SHISA9: variants seen among roughly 807,000 people sequenced by gnomAD.
SHISA9 encodes shisa family member 9, also known as protein shisa-9.
A neutral mutation model predicts 38.0 loss-of-function variants in SHISA9; 13 were observed. That is an observed-to-expected ratio of 0.34 (90% CI 0.22 to 0.54). The LOEUF is 0.54. SHISA9 is among the 20% of genes least tolerant of loss of function. The pLI, the probability that SHISA9 is intolerant of heterozygous loss-of-function variation, is 0.91. For missense variants in SHISA9, 538 were observed against 575.8 expected, an observed-to-expected ratio of 0.93 and a Z score of 0.67; for synonymous variants, 275 against 242.0, an observed-to-expected ratio of 1.14 and a Z score of -1.27.
At chr16:13,099,984 C>G (rs1165262772) in intron 2 of SHISA9, among the ~76,000 whole-genome samples, 2 of 152,154 alleles carry the variant, frequency 1.3e-5, no homozygotes, top group Non-Finnish European at 2.9e-5. Context: ...AATCCAGACA[C>G]CGACAGGAGC....
At chr16:13,348,537 G>A in the SHISA9 span, among the ~76,000 whole-genome samples, 2 of 151,700 alleles carry the variant, frequency 1.3e-5, no homozygotes, top group African/African-American at 2.4e-5. Context: ...GCAATTTGTC[G>A]AGCTGATGCC....
the SHISA9 span, among the ~76,000 whole-genome samples, chr16:13,489,055 A>AT: frequency 3.3e-5 from 5 of 151,052 alleles, no homozygotes; most frequent in Admixed American, 1.3e-4. Flanking sequence ...TTACAGGCTT[A>AT]TTTTTTTTGA....
intron 4 of SHISA9, among the ~76,000 whole-genome samples, chr16:13,216,528 C>T (rs1304977533): frequency 6.6e-6 from 1 of 152,194 alleles, no homozygotes; most frequent in African/African-American, 2.4e-5. Context: ...CTCTTTTTAA[C>T]CCACCATTTC....
At chr16:12,935,074 G>A (rs943326317) in intron 2 of SHISA9, among the ~76,000 whole-genome samples, 6 of 152,004 alleles carry the variant, frequency 3.9e-5, no homozygotes, top group Admixed American at 3.3e-4. Context: ...CGGTCTGATT[G>A]GTCCATATTG....
chr16:12,929,878 G>C (rs1467744829), intron 2 of SHISA9, among the ~76,000 whole-genome samples: 2 of 152,130 alleles, frequency 1.3e-5, no homozygotes, highest in Non-Finnish European at 2.9e-5. Flanking sequence ...TCTTCCCTCT[G>C]CCTGCAACAA....
the SHISA9 span, among the ~76,000 whole-genome samples, chr16:13,262,713 G>GA: frequency 2.0e-5 from 3 of 149,944 alleles, no homozygotes; most frequent in Non-Finnish European, 4.4e-5. Flanking sequence ...AGGAAGGAAA[G>GA]AAGGAAGAGG....
chr16:12,997,975 A>T (rs2072479456), intron 2 of SHISA9, among the ~76,000 whole-genome samples: 1 of 152,194 alleles, frequency 6.6e-6, no homozygotes, highest in African/African-American at 2.4e-5. Context: ...GATAGAATGC[A>T]TTGTGTTTGA....
chr16:12,932,108 C>A (rs751108154), intron 2 of SHISA9, among the ~76,000 whole-genome samples: 1 of 152,164 alleles, frequency 6.6e-6, no homozygotes, highest in Non-Finnish European at 1.5e-5. Context: ...CCTCCTTCGC[C>A]TTCTGCCATG....
intron 1 of SHISA9, chr16:12,910,944 T>G (rs1294884214): frequency 5.9e-6 from 1 of 170,264 alleles, no homozygotes; most frequent in East Asian, 1.9e-4. Flanking sequence ...AAGGGCAATC[T>G]GTCTTACTGC....
the SHISA9 span, among the ~76,000 whole-genome samples, chr16:13,272,584 G>T: frequency 6.6e-6 from 1 of 152,084 alleles, no homozygotes; most frequent in Non-Finnish European, 1.5e-5. Flanking sequence ...AGGGTTATCA[G>T]AGTTTGGGCC....
rs1436912109 is a variant in SHISA9, at chr16:12,927,258, T to A, written c.691+10443T>A. ...AAAAGGAAATCCTGTTACATTAGTC[T>A]GAGAATGCAGTTAATGAAACTAAGT... On this transcript the variant is annotated intron_variant, in intron 2 of 4. Transcript: ENST00000558583. 2.0e-5 allele frequency among the ~76,000 whole-genome samples: 3 copies of A among 152,256 alleles called. No individual in the cohort carries two copies. In the East Asian group the frequency reaches 5.8e-4, roughly 29 times the overall value.
intron 2 of SHISA9, among the ~76,000 whole-genome samples, chr16:13,202,706 A>C (rs2051017573): frequency 6.6e-6 from 1 of 152,156 alleles, no homozygotes. Flanking sequence ...TCATTTAAGA[A>C]TTCCCATATT....
At chr16:13,019,291 C>T (rs534051967) in intron 2 of SHISA9, among the ~76,000 whole-genome samples, 4 of 152,250 alleles carry the variant, frequency 2.6e-5, no homozygotes, top group East Asian at 3.9e-4. Flanking sequence ...TGAGCCACCA[C>T]GCTTGGCCAG....
At chr16:13,048,214 C>A (rs1018111810) in intron 2 of SHISA9, among the ~76,000 whole-genome samples, 10 of 152,184 alleles carry the variant, frequency 6.6e-5, no homozygotes, top group Non-Finnish European at 1.2e-4. Context: ...TGATAAATGG[C>A]ATATCTCAAA....
intron 2 of SHISA9, among the ~76,000 whole-genome samples, chr16:13,070,624 G>T (rs1300366547): frequency 6.6e-6 from 1 of 152,212 alleles, no homozygotes; most frequent in African/African-American, 2.4e-5. Context: ...CAGGAGGCCG[G>T]GAAGTGGGGG....
At chr16:12,931,643 T>C (rs1485998421) in intron 2 of SHISA9, among the ~76,000 whole-genome samples, 1 of 152,218 alleles carries the variant, frequency 6.6e-6, no homozygotes, top group African/African-American at 2.4e-5. Context: ...GGCTCTGTAG[T>C]ATTCCATGGT....
At chr16:13,562,684 C>G in the SHISA9 span, 1 of 149,346 alleles carries the variant, frequency 6.7e-6, no homozygotes, top group South Asian at 2.1e-4. Flanking sequence ...AATTCAACTA[C>G]GTGTCTTACC....
intron 2 of SHISA9, among the ~76,000 whole-genome samples, chr16:13,009,545 A>G (rs2072644319): frequency 6.6e-6 from 1 of 152,188 alleles, no homozygotes; most frequent in South Asian, 2.1e-4. Flanking sequence ...GAAAGGGCCA[A>G]TAGCCGGAAC....
chr16:12,942,392 G>T (rs1008633400), intron 2 of SHISA9, among the ~76,000 whole-genome samples: 2 of 152,168 alleles, frequency 1.3e-5, no homozygotes, highest in African/African-American at 4.8e-5. Context: ...CTGGATGCTG[G>T]CATACTCAGA....
Sources: gnomAD v4.1 joint callset for allele counts (sites outside exome capture counted in the v4.1 genomes callset) on GRCh38, gnomAD v4.1.1 for gene constraint, MANE v1.5 for transcripts, NCBI Gene and HGNC (gene_info 2026-07-23, HGNC 2026-07-21) for gene names.